Variants in TCEA3 observed in about 807,000 individuals in gnomAD.
The protein encoded by TCEA3 is transcription elongation factor A3.
In TCEA3, 36 loss-of-function variants were observed where a neutral mutation model predicts 44.0. The ratio of observed to expected loss-of-function variants is 0.82; its 90% CI spans 0.63 to 1.08. The LOEUF is 1.08. TCEA3 is among the 50% of genes least tolerant of loss of function. The pLI is 0.00. For missense variants in TCEA3, 392 were observed against 441.2 expected (o/e 0.89, Z 1.00); for synonymous variants, 162 against 159.7 (o/e 1.01, Z -0.11).
chr1:23,409,674 G>T (rs532778795), intron 4 of TCEA3, among the ~76,000 whole-genome samples: 4 of 151,186 alleles, frequency 2.6e-5, no homozygotes, highest in Non-Finnish European at 5.9e-5. Flanking sequence ...CAGCCTCCTG[G>T]GTAGCTGGGA....
intron 5 of TCEA3, among the ~76,000 whole-genome samples, chr1:23,399,176 A>ATC (rs1553167335): frequency 1.4e-5 from 2 of 141,922 alleles, no homozygotes; most frequent in Admixed American, 7.1e-5. Flanking sequence ...ATATATATAT[A>ATC]TATCCATATG....
chr1:23,389,642 T>C (rs917629992), intron 8 of TCEA3, among the ~76,000 whole-genome samples: 1 of 152,096 alleles, frequency 6.6e-6, no homozygotes, highest in African/African-American at 2.4e-5. Context: ...AGAGTGAGAC[T>C]CCGTCTCAAA....
At position 23,391,651 on chromosome 1, in the gene TCEA3, C is replaced by A. The variant is rs114988712; in HGVS notation, c.819+2228G>T. ...GAAATGTGAGAACTAGGCCAGGTGT[C>A]ATGGTTCACGCCTGTAATCCCAGCA... On this transcript the variant is annotated intron_variant, in intron 8 of 10. Coordinates refer to ENST00000450454, the MANE Select transcript of TCEA3 (RefSeq NM_003196.3). 3.5e-3 allele frequency among the ~76,000 whole-genome samples: 540 copies of A among 152,180 alleles called. 3 individuals carry two copies. The highest frequency in any genetic ancestry group is 0.012 in the African/African-American group (512 of 41,536).
chr1:23,418,274 AC>A (rs764876765), intron 2 of TCEA3: 9 of 442,588 alleles, frequency 2.0e-5, no homozygotes, highest in Non-Finnish European at 3.3e-5. Flanking sequence ...TGGGGGTGGC[AC>A]TTGGCTGACT....
intron 7 of TCEA3, among the ~76,000 whole-genome samples, chr1:23,395,551 G>A (rs983037849): frequency 4.6e-5 from 7 of 152,172 alleles, no homozygotes; most frequent in African/African-American, 1.7e-4. Flanking sequence ...TCAGGCTGGG[G>A]GTGGTGGCTC....
chr1:23,406,149 C>G (rs995475812), intron 5 of TCEA3, among the ~76,000 whole-genome samples: 1 of 152,204 alleles, frequency 6.6e-6, no homozygotes, highest in Non-Finnish European at 1.5e-5. Flanking sequence ...ACTTTTTCTA[C>G]AGCCTCAGAC....
intron 9 of TCEA3, among the ~76,000 whole-genome samples, chr1:23,385,699 C>T (rs1264941506): frequency 2.6e-5 from 4 of 152,218 alleles, no homozygotes; most frequent in African/African-American, 9.6e-5. Flanking sequence ...AAGGGCATAC[C>T]ATGTGCAACC....
At position 23,408,382 on chromosome 1, in the gene TCEA3, T is replaced by G. The variant is rs966556919; in HGVS notation, c.443+282A>C. ...CACCCCAGGGAAGGAGCCACACCCC[T>G]GATTCGGGGGCACACTTGCTAAATG... On this transcript the variant is annotated intron_variant, in intron 5 of 10. Transcript: ENST00000450454. Among the ~76,000 whole-genome samples the G allele has an allele frequency of 3.3e-5, 5 of 152,162 alleles. No individual in the cohort carries two copies. In the South Asian group the frequency reaches 6.2e-4, roughly 19 times the overall value.
intron 9 of TCEA3, among the ~76,000 whole-genome samples, chr1:23,386,292 A>G (rs1638832864): frequency 6.6e-6 from 1 of 151,766 alleles, no homozygotes; most frequent in Admixed American, 6.6e-5. Context: ...TGCAGCCTCA[A>G]TTCACTGTAG....
intron 8 of TCEA3, among the ~76,000 whole-genome samples, chr1:23,388,161 AG>A (rs1316523079): frequency 2.0e-5 from 3 of 150,878 alleles, no homozygotes; most frequent in Non-Finnish European, 4.4e-5. Context: ...AAGGGGAAGG[AG>A]GGTGGCTGAC....
chr1:23,420,943 T>C (rs1640047370), intron 1 of TCEA3, among the ~76,000 whole-genome samples: 1 of 152,122 alleles, frequency 6.6e-6, no homozygotes, highest in Non-Finnish European at 1.5e-5. Context: ...GACGGTGTCC[T>C]GTATGTTCCT....
chr1:23,417,504 C>A, intron 3 of TCEA3, 114 bp from the exon 4 acceptor site: 1 of 1,432,956 alleles, frequency 7.0e-7, no homozygotes, highest in South Asian at 1.5e-5. Context: ...CACACACACT[C>A]CCAACACACA....
At chr1:23,387,039 G>C (rs1346642714) in intron 9 of TCEA3, among the ~76,000 whole-genome samples, 1 of 152,186 alleles carries the variant, frequency 6.6e-6, no homozygotes, top group African/African-American at 2.4e-5. Context: ...TTTTAGTAGA[G>C]ATGGGGTTTC....
rs745922823 is a variant in TCEA3 at position 23,385,336 on chromosome 1, G to T, written c.967-919C>A. Among the ~76,000 whole-genome samples, 10 of 152,348 alleles carry T rather than the reference G, an allele frequency of 6.6e-5. No homozygotes were observed. The South Asian group carries it at 1.2e-3, about 19-fold the overall frequency. On this transcript the variant is annotated intron_variant, in intron 9 of 10. Transcript: ENST00000450454. The stretch of plus-strand genomic sequence containing the variant: ...CCCCAGCAGCCCAGCAGTCTGCCAG[G>T]CGGACACAGCTTAGCGCAGCCTGGT...
intron 7 of TCEA3, among the ~76,000 whole-genome samples, chr1:23,397,050 T>C (rs1232229038): frequency 3.5e-5 from 5 of 143,808 alleles, no homozygotes; most frequent in African/African-American, 1.3e-4. Context: ...CATCAGAGGA[T>C]GGGAGAAGGG....
chr1:23,417,099 AAAG>A, intron 4 of TCEA3, 147 bp downstream of exon 4: 1 of 975,284 alleles, frequency 1.0e-6, no homozygotes. Context: ...TGGTTGAGCC[AAAG>A]AAGACCCCCA....
intron 5 of TCEA3, among the ~76,000 whole-genome samples, chr1:23,402,250 G>T (rs1612429): frequency 0.014 from 2,129 of 152,340 alleles, 51 homozygotes; most frequent in African/African-American, 0.048. Context: ...TGAGGCACAA[G>T]AATCGCTTGA....
At chr1:23,397,498 T>C (rs1480818013) in intron 7 of TCEA3, 47 bp downstream of exon 7, 2 of 1,577,710 alleles carry the variant, frequency 1.3e-6, no homozygotes, top group South Asian at 1.1e-5. Context: ...GGATGGGTGC[T>C]GCTAGACGGT....
Position 23,397,903 on chromosome 1 carries a change from AG to A in TCEA3, c.495del (p.Leu166Ter). The A allele has an allele frequency of 6.2e-7, 1 of 1,613,808 alleles. No homozygotes were observed. Among genetic ancestry groups the A allele is most frequent in the Non-Finnish European group, 8.5e-7 (1 of 1,179,830 alleles). ...ATGGAAGAGGCAAACGTGGGGGTCA[AG>A]GGGCTGCTAGGTGTTTTGGGGCTCT... ...KAESPKTPSSPLTPTFASSMC... is the reference protein window; with the variant it reads ...KAESPKTPSSXLTPTFASSMC... On this transcript the variant is annotated frameshift_variant, in exon 6 of 11. Coordinates refer to ENST00000450454, the MANE Select transcript of TCEA3 (RefSeq NM_003196.3). LOFTEE classifies it high-confidence loss of function.
Sources: allele counts gnomAD v4.1 joint callset (sites outside exome capture counted in the v4.1 genomes callset), GRCh38; gene constraint gnomAD v4.1.1; transcripts MANE v1.5; gene names NCBI Gene and HGNC (gene_info 2026-07-23, HGNC 2026-07-21).